EDEM3: variants seen among roughly 807,000 people sequenced by gnomAD.
EDEM3 encodes ER degradation enhancing alpha-mannosidase like protein 3.
EDEM3 carries 60 observed loss-of-function variants against 110.2 expected under a neutral mutation model. The ratio of observed to expected loss-of-function variants is 0.54; its 90% CI spans 0.44 to 0.67. EDEM3 has a LOEUF of 0.67. Among genes scored for constraint, EDEM3 ranks in the 30% least tolerant of loss-of-function variants. The pLI, the probability that EDEM3 is intolerant of heterozygous loss-of-function variation, is 0.00. For missense variants in EDEM3, 996 were observed against 1,121.0 expected, an observed-to-expected ratio of 0.89 and a Z score of 1.59; for synonymous variants, 352 against 382.9, an observed-to-expected ratio of 0.92 and a Z score of 0.94.
Position 184,691,147 on chromosome 1 carries a change from T to A in EDEM3, c.*2916A>T, listed in dbSNP as rs1010558441. 5.9e-5 allele frequency: 9 copies of A among 152,522 alleles called. No homozygotes were observed. The highest frequency in any genetic ancestry group is 1.9e-4 in the African/African-American group (8 of 41,420). The allele number at this position is 152,522 out of a possible 1,614,324, so 9.4% of individuals were successfully genotyped here. ...TTTGTTCTGAAACAATTATACTCTT[T>A]TTGGAAGCCTATTGCAATTTAAGAA... On this transcript the variant is annotated 3_prime_UTR_variant, in exon 20 of 20. Transcript: ENST00000318130.
intron 18 of EDEM3, among the ~76,000 whole-genome samples, chr1:184,703,563 C>A (rs932895501): frequency 6.6e-6 from 1 of 152,170 alleles, no homozygotes; most frequent in Admixed American, 6.6e-5. Context: ...AACAGTATTG[C>A]TATTTTGCAT....
chr1:184,701,635 G>A, intron 19 of EDEM3: 3 of 859,460 alleles, frequency 3.5e-6, no homozygotes, highest in Non-Finnish European at 4.7e-6. Flanking sequence ...TGTTAGATGT[G>A]CCTAAATGCA....
chr1:184,747,608 G>T (rs1652503138), intron 2 of EDEM3, among the ~76,000 whole-genome samples: 1 of 152,200 alleles, frequency 6.6e-6, no homozygotes, highest in Non-Finnish European at 1.5e-5. Flanking sequence ...GACACGTATG[G>T]TCCCACTGGA....
At chr1:184,712,188 A>T (rs1650285619) in intron 14 of EDEM3, among the ~76,000 whole-genome samples, 2 of 152,128 alleles carry the variant, frequency 1.3e-5, no homozygotes, top group African/African-American at 4.8e-5. Context: ...GGCCTCCCAG[A>T]GTGCTGGGAC....
At chr1:184,716,411 G>A (rs1650549388) in intron 13 of EDEM3, among the ~76,000 whole-genome samples, 1 of 152,080 alleles carries the variant, frequency 6.6e-6, no homozygotes, top group Non-Finnish European at 1.5e-5. Flanking sequence ...CATCTATCCA[G>A]TGTCTAATGA....
At chr1:184,716,376 TA>T (rs1650547027) in intron 13 of EDEM3, among the ~76,000 whole-genome samples, 1 of 152,158 alleles carries the variant, frequency 6.6e-6, no homozygotes, top group African/African-American at 2.4e-5. Context: ...GCACTTTTTA[TA>T]GCTTGAATAC....
At chr1:184,725,786 T>C (rs1428777373) in intron 7 of EDEM3, among the ~76,000 whole-genome samples, 1 of 152,070 alleles carries the variant, frequency 6.6e-6, no homozygotes, top group Non-Finnish European at 1.5e-5. Context: ...TTTTGGATAA[T>C]GAATAACATT....
In EDEM3 at chr1:184,716,880, T is replaced by G; in HGVS notation, c.1370+8A>C. 1 of 1,612,598 alleles carries G rather than the reference T, an allele frequency of 6.2e-7. No homozygotes were observed. The highest frequency in any genetic ancestry group is 8.5e-7 in the Non-Finnish European group (1 of 1,178,974). ...CCTGAGGAAAGAGGATGTTAGCAAT[T>G]GTTTTACCTGTCCTCATGACTTCCA... On this transcript the variant is annotated splice_region_variant and intron_variant, in intron 13 of 19. Coordinates refer to ENST00000318130, the MANE Select transcript of EDEM3 (RefSeq NM_025191.4).
chr1:184,712,693 T>G, intron 13 of EDEM3, 95 bp from the exon 14 acceptor site: 1 of 802,198 alleles, frequency 1.2e-6, no homozygotes, highest in South Asian at 2.1e-5. Flanking sequence ...TAATCCTGTC[T>G]ATACCAACTT....
At chr1:184,710,244 G>T in intron 16 of EDEM3, 150 bp downstream of exon 16, 1 of 891,540 alleles carries the variant, frequency 1.1e-6, no homozygotes, top group East Asian at 2.8e-5. Flanking sequence ...GACTTTCCAA[G>T]ATACTTCCAA....
intron 8 of EDEM3, among the ~76,000 whole-genome samples, 178 bp from the exon 9 acceptor site, chr1:184,721,564 T>C (rs1470913537): frequency 1.3e-5 from 2 of 152,046 alleles, no homozygotes; most frequent in Non-Finnish European, 2.9e-5. Context: ...TGCTAACTAG[T>C]TCATAGTTTA....
At chr1:184,751,902 C>T (rs1371228611) in intron 1 of EDEM3, among the ~76,000 whole-genome samples, 2 of 151,990 alleles carry the variant, frequency 1.3e-5, no homozygotes, top group East Asian at 3.9e-4. Flanking sequence ...TAAGGGCATG[C>T]GCCACCACAC....
At chr1:184,740,430 G>A (rs12124714) in intron 2 of EDEM3, among the ~76,000 whole-genome samples, 64,232 of 152,010 alleles carry the variant, frequency 0.42, 13,835 homozygotes, top group East Asian at 0.6. Flanking sequence ...CTGTAATTAC[G>A]TAAAACACAA....
chr1:184,703,397 C>T lies in EDEM3; in HGVS notation c.2204-401G>A, dbSNP rs760142438. ...AGGAAAAAATCAATGACTCGGATTA[C>T]AGTGATAGAACTATGAATGAATTTT... On this transcript the variant is annotated intron_variant, in intron 18 of 19. Coordinates refer to ENST00000318130, the MANE Select transcript of EDEM3 (RefSeq NM_025191.4). 2.0e-5 allele frequency among the ~76,000 whole-genome samples: 3 copies of T among 152,284 alleles called. No homozygotes were observed. The East Asian group carries it at 5.8e-4, about 29-fold the overall frequency.
chr1:184,725,274 C>G (rs1419322365), intron 7 of EDEM3, among the ~76,000 whole-genome samples: 1 of 152,040 alleles, frequency 6.6e-6, no homozygotes, highest in Admixed American at 6.6e-5. Flanking sequence ...GACATGGATT[C>G]TAATTCCAAC....
Position 184,723,865 on chromosome 1 carries a change from T to TAAAA in EDEM3, c.748-13_748-10dup, listed in dbSNP as rs71101940. The TAAAA allele has an allele frequency of 1.1e-3, 1,173 of 1,089,752 alleles. No homozygotes were observed. The highest frequency in any genetic ancestry group is 2.4e-3 in the South Asian group (127 of 51,974). 67.5% of individuals were successfully genotyped at this position (1,089,752 alleles called of 1,614,324 possible). On this transcript the variant is annotated splice_polypyrimidine_tract_variant and intron_variant, in intron 7 of 19. Transcript: ENST00000318130. Reference sequence around the variant, plus strand: ...GCTTTTCTGGCATATTCCTGTAATTTAAAAAAAAAAAAAAAAAAAAGAAGT... The same window carrying TAAAA: ...GCTTTTCTGGCATATTCCTGTAATTTAAAAAAAAAAAAAAAAAAAAAAAAGAAGT...
intron 19 of EDEM3, among the ~76,000 whole-genome samples, chr1:184,701,040 G>C (rs938413815): frequency 1.2e-4 from 18 of 151,894 alleles, no homozygotes; most frequent in African/African-American, 3.6e-4. Context: ...AGGGGATACT[G>C]TTCACCAAGA....
At chr1:184,706,865 A>C in intron 17 of EDEM3, 57 bp from the exon 18 acceptor site, 1 of 1,550,938 alleles carries the variant, frequency 6.4e-7, no homozygotes, top group Non-Finnish European at 8.8e-7. Flanking sequence ...CAATCAAGTC[A>C]TTAAACCTCA....
chr1:184,754,194 GC>G lies in EDEM3; in HGVS notation c.158+294del, dbSNP rs373055322. Among the ~76,000 whole-genome samples, 1,031 of 152,308 alleles carry G rather than the reference GC, an allele frequency of 6.8e-3. 18 individuals carry two copies. The highest frequency in any genetic ancestry group is 0.024 in the African/African-American group (997 of 41,566). On this transcript the variant is annotated intron_variant, in intron 1 of 19. Coordinates refer to ENST00000318130, the MANE Select transcript of EDEM3 (RefSeq NM_025191.4). The stretch of plus-strand genomic sequence containing the variant: ...CCAGCGCGCAGCGATGCGGGCTGTA[GC>G]CCCCTTCTTGGGCCACTGACATGGC...
Sources: allele counts gnomAD v4.1 joint callset (sites outside exome capture counted in the v4.1 genomes callset), GRCh38; gene constraint gnomAD v4.1.1; transcripts MANE v1.5; gene names NCBI Gene and HGNC (gene_info 2026-07-23, HGNC 2026-07-21).